The following TAFA4 variants were observed in gnomAD, a reference collection of about 807,000 sequenced individuals.
The protein encoded by TAFA4 is chemokine-like protein TAFA-4.
TAFA4 carries 20 observed loss-of-function variants against 21.1 expected under a neutral mutation model. That is an observed-to-expected ratio of 0.95 (90% CI 0.67 to 1.38). TAFA4 has a LOEUF of 1.38. TAFA4 is among the 40% of genes most tolerant of loss of function. The probability of loss-of-function intolerance (pLI) is 0.00; values close to 1 mark genes in which losing one functional copy is unlikely to be tolerated. For missense variants in TAFA4, 211 were observed against 180.9 expected (o/e 1.17, Z -0.95); for synonymous variants, 71 against 67.4 (o/e 1.05, Z -0.26).
chr3:68,762,676 TC>T (rs1349330125), intron 3 of TAFA4, among the ~76,000 whole-genome samples: 1 of 152,224 alleles, frequency 6.6e-6, no homozygotes, highest in Non-Finnish European at 1.5e-5. Flanking sequence ...TGTCTATCTC[TC>T]AGTGACTGTC....
intron 1 of TAFA4, among the ~76,000 whole-genome samples, chr3:68,897,428 C>A (rs527731150): frequency 2.0e-5 from 3 of 151,964 alleles, no homozygotes; most frequent in Admixed American, 6.6e-5. Flanking sequence ...GAGGTTGAGA[C>A]CAGTCTGACC....
intron 3 of TAFA4, among the ~76,000 whole-genome samples, chr3:68,821,918 G>A (rs570619947): frequency 6.6e-5 from 10 of 152,286 alleles, no homozygotes; most frequent in African/African-American, 2.4e-4. Flanking sequence ...ACTTAAAAAG[G>A]TATTTGCAAA....
chr3:68,819,409 A>AAAGCG (rs1704066919), intron 3 of TAFA4, among the ~76,000 whole-genome samples: 1 of 151,842 alleles, frequency 6.6e-6, no homozygotes, highest in African/African-American at 2.4e-5. Flanking sequence ...GAGTGAAAGC[A>AAAGCG]GTAAGTGTGG....
intron 1 of TAFA4, among the ~76,000 whole-genome samples, chr3:68,903,733 A>G (rs1321815415): frequency 6.6e-6 from 1 of 152,212 alleles, no homozygotes; most frequent in Non-Finnish European, 1.5e-5. Flanking sequence ...TTTGATGTAC[A>G]GATTATTTCA....
At chr3:68,891,234 C>G (rs2089727138) in intron 1 of TAFA4, among the ~76,000 whole-genome samples, 1 of 152,170 alleles carries the variant, frequency 6.6e-6, no homozygotes, top group Non-Finnish European at 1.5e-5. Flanking sequence ...GGATTTTTGT[C>G]TGTGCATCCA....
Position 68,753,017 on chromosome 3 carries a change from A to T in TAFA4, c.132T>A (p.Gly44=). 2 of 1,612,502 alleles carry T rather than the reference A, an allele frequency of 1.2e-6. No homozygotes were observed. The highest frequency in any genetic ancestry group is 1.7e-6 in the Non-Finnish European group (2 of 1,178,914). The change falls in exon 4 of 6, where the codon GGT becomes GGA. Residue 44 remains glycine (G), a splice_region_variant and synonymous_variant. Transcript: ENST00000295569. ...AGGTCCCTTGCTTGATTTGGTGGTGACCTAGTTGGTAATGGGGGAGAAAAA... is the reference window on the plus strand; with the variant it reads ...AGGTCCCTTGCTTGATTTGGTGGTGTCCTAGTTGGTAATGGGGGAGAAAAA... ...ASSQHLRGHA[G]HHQIKQGTCE...
intron 3 of TAFA4, among the ~76,000 whole-genome samples, chr3:68,757,700 A>G (rs1341037070): frequency 6.6e-6 from 1 of 152,166 alleles, no homozygotes; most frequent in African/African-American, 2.4e-5. Context: ...AGGTTGCCTG[A>G]TCCAGAATTT....
chr3:68,931,136 G>A (rs1270854183), intron 1 of TAFA4, among the ~76,000 whole-genome samples: 1 of 152,224 alleles, frequency 6.6e-6, no homozygotes, highest in Non-Finnish European at 1.5e-5. Context: ...GACAGAAACA[G>A]ACCAAAGCTT....
At position 68,927,111 on chromosome 3, in the gene TAFA4, T is replaced by C. The variant is rs145551140; in HGVS notation, c.-123+5129A>G. Among the ~76,000 whole-genome samples, 631 of 152,252 alleles carry C rather than the reference T, an allele frequency of 4.1e-3. 5 individuals carry two copies. The highest frequency in any genetic ancestry group is 0.014 in the African/African-American group (579 of 41,556). The stretch of plus-strand genomic sequence containing the variant: ...CTCTGGGGAGCAAAATTGCCCCCCA[T>C]TGGAGCAATTTTAAGTTTCCCCTCC... On this transcript the variant is annotated intron_variant, in intron 1 of 5. Transcript: ENST00000295569.
At chr3:68,871,458 C>T (rs1026764813) in intron 3 of TAFA4, among the ~76,000 whole-genome samples, 2 of 152,068 alleles carry the variant, frequency 1.3e-5, no homozygotes, top group African/African-American at 4.8e-5. Context: ...AAGTCTAACA[C>T]CTGAAACTAT....
At chr3:68,740,795 T>G (rs1240675438) in intron 4 of TAFA4, among the ~76,000 whole-genome samples, 1 of 152,154 alleles carries the variant, frequency 6.6e-6, no homozygotes, top group Non-Finnish European at 1.5e-5. Context: ...CAGATTACAT[T>G]TACATCCTTT....
At chr3:68,817,952 C>G (rs1704025613) in intron 3 of TAFA4, among the ~76,000 whole-genome samples, 1 of 152,124 alleles carries the variant, frequency 6.6e-6, no homozygotes, top group Non-Finnish European at 1.5e-5. Context: ...TTTCCTCTAA[C>G]AAGAGAGTCA....
At chr3:68,751,423 A>T (rs1428855581) in intron 4 of TAFA4, among the ~76,000 whole-genome samples, 1 of 152,112 alleles carries the variant, frequency 6.6e-6, no homozygotes, top group Non-Finnish European at 1.5e-5. Flanking sequence ...GGGGATGGAG[A>T]AAAGTGGGCT....
At chr3:68,905,915 A>T (rs553098119) in intron 1 of TAFA4, among the ~76,000 whole-genome samples, 3 of 152,188 alleles carry the variant, frequency 2.0e-5, no homozygotes, top group African/African-American at 7.2e-5. Flanking sequence ...TTTCTTGCTA[A>T]ACTGCCATCC....
At chr3:68,813,196 A>G (rs1327474348) in intron 3 of TAFA4, among the ~76,000 whole-genome samples, 1 of 152,124 alleles carries the variant, frequency 6.6e-6, no homozygotes, top group Admixed American at 6.6e-5. Flanking sequence ...GGAAATTTAT[A>G]GCACTAAATG....
At chr3:68,810,742 G>C (rs530975480) in intron 3 of TAFA4, among the ~76,000 whole-genome samples, 1 of 152,214 alleles carries the variant, frequency 6.6e-6, no homozygotes, top group Non-Finnish European at 1.5e-5. Context: ...CTCCACCTCT[G>C]GGGGCAGGGC....
chr3:68,794,378 C>G (rs1441007760), intron 3 of TAFA4, among the ~76,000 whole-genome samples: 2 of 152,188 alleles, frequency 1.3e-5, no homozygotes, highest in African/African-American at 4.8e-5. Context: ...TTGTATTTCA[C>G]TCATGTTAAA....
chr3:68,813,493 G>A (rs544891591), intron 3 of TAFA4, among the ~76,000 whole-genome samples: 6 of 152,154 alleles, frequency 3.9e-5, no homozygotes, highest in South Asian at 2.1e-4. Context: ...TACCACCACC[G>A]ATCCCACAGA....
chr3:68,839,364 A>T (rs1014764000), intron 3 of TAFA4, among the ~76,000 whole-genome samples: 9 of 152,226 alleles, frequency 5.9e-5, no homozygotes, highest in African/African-American at 2.2e-4. Context: ...TTACATTATT[A>T]TATGGGGAAT....
Sources: gnomAD v4.1 joint callset for allele counts (sites outside exome capture counted in the v4.1 genomes callset) on GRCh38, gnomAD v4.1.1 for gene constraint, MANE v1.5 for transcripts, NCBI Gene and HGNC (gene_info 2026-07-23, HGNC 2026-07-21) for gene names.